The following MLLT1 variants were observed in gnomAD, a reference collection of about 807,000 sequenced individuals.
The protein encoded by MLLT1 is MLLT1 super elongation complex subunit, also known as protein ENL.
Under a neutral mutation model 55.1 loss-of-function variants are expected in MLLT1, and 11 were observed. That is an observed-to-expected ratio of 0.20 (90% CI 0.13 to 0.33). The LOEUF is 0.33. Among genes scored for constraint, MLLT1 ranks in the 10% least tolerant of loss-of-function variants. The probability of loss-of-function intolerance (pLI) is 1.00; values close to 1 mark genes in which losing one functional copy is unlikely to be tolerated. For synonymous variants in MLLT1, 323 were observed against 320.1 expected (o/e 1.01, Z -0.10); for missense variants, 536 against 760.6 (o/e 0.70, Z 3.47).
chr19:6,217,165 T>G (rs1161254791), intron 7 of MLLT1, among the ~76,000 whole-genome samples: 1 of 151,844 alleles, frequency 6.6e-6, no homozygotes, highest in Non-Finnish European at 1.5e-5. Flanking sequence ...TTGGAGCGAG[T>G]GTAGGCTTCA....
At chr19:6,233,636 C>T (rs1331648493) in intron 3 of MLLT1, among the ~76,000 whole-genome samples, 2 of 152,222 alleles carry the variant, frequency 1.3e-5, no homozygotes, top group Non-Finnish European at 2.9e-5. Flanking sequence ...CCTGCCAAAA[C>T]GCGAGAGGTG....
intron 1 of MLLT1, among the ~76,000 whole-genome samples, chr19:6,279,052 C>CGGGGCAGGATCAGACGGGAGAGAA (rs1419784710): frequency 6.6e-6 from 1 of 151,922 alleles, no homozygotes; most frequent in Non-Finnish European, 1.5e-5. Context: ...TGGCTGCAGC[C>CGGGGCAGGATCAGACGGGAGAGAA]GGGGCAGGAT....
intron 3 of MLLT1, among the ~76,000 whole-genome samples, chr19:6,249,306 A>G (rs544658824): frequency 6.6e-6 from 1 of 152,258 alleles, no homozygotes; most frequent in East Asian, 1.9e-4. Context: ...AATAATAATA[A>G]TTAAGATTTC....
At chr19:6,232,072 C>T (rs2091016880) in intron 3 of MLLT1, among the ~76,000 whole-genome samples, 1 of 152,032 alleles carries the variant, frequency 6.6e-6, no homozygotes, top group Admixed American at 6.6e-5. Context: ...CCTGTCTCCA[C>T]TAAAAATACA....
Position 6,211,074 on chromosome 19 carries a change from G to A in MLLT1, c.*1968C>T, listed in dbSNP as rs2090763973. On this transcript the variant is annotated 3_prime_UTR_variant, in exon 12 of 12. Coordinates refer to ENST00000252674, the MANE Select transcript of MLLT1 (RefSeq NM_005934.4). This position sits in a 1 kb window ranked among gnomAD's most constrained non-coding sequence, Gnocchi z 4.6. ...TGGATTTTGGGGGACTCCTGCGAAG[G>A]AGAAAGGCCAGCACCCTGGGCTGAG... is the stretch of plus-strand genomic sequence containing the variant. 4.3e-6 allele frequency: 1 copy of A among 232,210 alleles called. No individual in the cohort carries two copies. Among genetic ancestry groups the A allele is most frequent in the South Asian group, 1.8e-4 (1 of 5,514 alleles). 14.4% of individuals were successfully genotyped at this position (232,210 alleles called of 1,614,324 possible).
At position 6,222,844 on chromosome 19, in the gene MLLT1, TGA is replaced by T. The variant is rs1468639104; in HGVS notation, c.547-162_547-161del. Among the ~76,000 whole-genome samples, 8 of 152,162 alleles carry T rather than the reference TGA, an allele frequency of 5.3e-5. No individual in the cohort carries two copies. The East Asian group carries it at 1.5e-3, about 29-fold the overall frequency. ...TAAAGCAAAAAGGTAAGGCAGTAGG[TGA>T]GAGTTTTACATGGAGCTGTCCCTTT... On this transcript the variant is annotated intron_variant, in intron 5 of 11. Coordinates refer to ENST00000252674, the MANE Select transcript of MLLT1 (RefSeq NM_005934.4). The surrounding 1 kb of genome is among the most constrained non-coding windows in gnomAD (Gnocchi z 4.1).
At position 6,230,684 on chromosome 19, in the gene MLLT1, G is replaced by A. The variant is rs757379933; in HGVS notation, c.306C>T (p.Tyr102=). The stretch of plus-strand genomic sequence containing the variant: ...TGCCTTCCAGGTTCAGGAACAGGTC[G>A]TAGGTGAAGCAGACCTTCCTCGGCT... ...KEEPRKVCFT[Y]DLFLNLEGNP... is the part of the protein sequence containing the mutation. Residue 102 remains tyrosine (Y), a synonymous_variant, in exon 4 of 12, where the codon TAC becomes TAT. Coordinates refer to ENST00000252674, the MANE Select transcript of MLLT1 (RefSeq NM_005934.4). This position sits in a 1 kb window ranked among gnomAD's most constrained non-coding sequence, Gnocchi z 9.0. The A allele has an allele frequency of 5.0e-6, 8 of 1,613,956 alleles. No homozygotes were observed. In the Admixed American group the frequency reaches 6.7e-5, roughly 13 times the overall value.
At position 6,226,821 on chromosome 19, in the gene MLLT1, G is replaced by A. The variant is rs1311604173; in HGVS notation, c.546+156C>T. On this transcript the variant is annotated intron_variant, in intron 5 of 11. Coordinates refer to ENST00000252674, the MANE Select transcript of MLLT1 (RefSeq NM_005934.4). The surrounding 1 kb of genome is among the most constrained non-coding windows in gnomAD (Gnocchi z 6.3). ...CCTGAAATCCTAGGGAAGCGGCAGTGCGCAGCGAGGGGTGTGCAGAGAGCT... is the reference window on the plus strand; with the variant it reads ...CCTGAAATCCTAGGGAAGCGGCAGTACGCAGCGAGGGGTGTGCAGAGAGCT... 2.6e-5 allele frequency among the ~76,000 whole-genome samples: 4 copies of A among 152,082 alleles called. No individual in the cohort carries two copies. The highest frequency in any genetic ancestry group is 5.9e-5 in the Non-Finnish European group (4 of 68,024).
intron 6 of MLLT1, among the ~76,000 whole-genome samples, chr19:6,220,502 G>A (rs1158531691): frequency 2.0e-5 from 3 of 152,244 alleles, no homozygotes; most frequent in Non-Finnish European, 2.9e-5. Flanking sequence ...AGCGGCGTCC[G>A]AGGTGGCAGG....
chr19:6,269,718 G>A (rs79668571), intron 2 of MLLT1, among the ~76,000 whole-genome samples: 3,355 of 152,192 alleles, frequency 0.022, 144 homozygotes, highest in African/African-American at 0.076. Context: ...TGGAGCTCCC[G>A]GGACCCCCGT....
chr19:6,273,416 C>A lies in MLLT1; in HGVS notation c.13-2657G>T, dbSNP rs114523955. Among the ~76,000 whole-genome samples the A allele has an allele frequency of 1.3e-5, 2 of 152,138 alleles. No homozygotes were observed. The highest frequency in any genetic ancestry group is 6.5e-5 in the Admixed American group (1 of 15,268). On this transcript the variant is annotated intron_variant, in intron 1 of 11. Coordinates refer to ENST00000252674, the MANE Select transcript of MLLT1 (RefSeq NM_005934.4). The surrounding 1 kb of genome is among the most constrained non-coding windows in gnomAD (Gnocchi z 4.3). ...AAGTGGGGATGGACGGAAGATCAGGCGCACTCATAAACCCCCGGCGCTGCG... is the reference window on the plus strand; with the variant it reads ...AAGTGGGGATGGACGGAAGATCAGGAGCACTCATAAACCCCCGGCGCTGCG...
At chr19:6,266,087 T>C (rs752352806) in intron 2 of MLLT1, among the ~76,000 whole-genome samples, 1 of 151,920 alleles carries the variant, frequency 6.6e-6, no homozygotes, top group Non-Finnish European at 1.5e-5. Context: ...AAGACCAACT[T>C]GGGCAACATG....
Position 6,214,008 on chromosome 19 carries a change from G to T in MLLT1, c.1338C>A (p.Asn446Lys). Residue 446 changes from asparagine to lysine, a missense_variant, in exon 9 of 12, where the codon AAC (asparagine) becomes AAA (lysine). Asn to Lys is a moderately conservative substitution (Grantham distance 94). Coordinates refer to ENST00000252674, the MANE Select transcript of MLLT1 (RefSeq NM_005934.4). ...GGCTGGGCAGGGAGGAGTCGGCGCTGTTGTCACTCTCGCTGTCGCTGAAGC... is the reference window on the plus strand; with the variant it reads ...GGCTGGGCAGGGAGGAGTCGGCGCTTTTGTCACTCTCGCTGTCGCTGAAGC... ...RLSFSDSESDNSADSSLPSRE... is the reference protein window; with the variant it reads ...RLSFSDSESDKSADSSLPSRE... 6.9e-7 allele frequency: 1 copy of T among 1,453,860 alleles called. No individual in the cohort carries two copies. Among genetic ancestry groups the T allele is most frequent in the Non-Finnish European group, 9.1e-7 (1 of 1,104,612 alleles). 90.1% of individuals were successfully genotyped at this position (1,453,860 alleles called of 1,614,324 possible).
Position 6,256,876 on chromosome 19 carries a change from C to T in MLLT1, c.276+5352G>A, listed in dbSNP as rs2091261400. Among the ~76,000 whole-genome samples the T allele has an allele frequency of 6.6e-6, 1 of 152,200 alleles. No individual in the cohort carries two copies. The highest frequency in any genetic ancestry group is 2.4e-5 in the African/African-American group (1 of 41,444). ...TAGAATTCAGAGTCCAGTTTTAAACCCCAAATCTATGGCCAGCTGATTTTC... is the reference window on the plus strand; with the variant it reads ...TAGAATTCAGAGTCCAGTTTTAAACTCCAAATCTATGGCCAGCTGATTTTC... On this transcript the variant is annotated intron_variant, in intron 3 of 11. Transcript: ENST00000252674. The surrounding 1 kb of genome is among the most constrained non-coding windows in gnomAD (Gnocchi z 4.1).
At chr19:6,266,765 C>A (rs1423594557) in intron 2 of MLLT1, among the ~76,000 whole-genome samples, 1 of 152,106 alleles carries the variant, frequency 6.6e-6, no homozygotes, top group Non-Finnish European at 1.5e-5. Context: ...CCAGAAATGT[C>A]TGAAGTAATC....
At position 6,222,496 on chromosome 19, in the gene MLLT1, T is replaced by A. The variant is rs1422713829; in HGVS notation, c.735A>T (p.Pro245=). The A allele has an allele frequency of 6.3e-7, 1 of 1,597,460 alleles. No individual in the cohort carries two copies. The highest frequency in any genetic ancestry group is 1.7e-5 in the Admixed American group (1 of 59,622). ...GTTCCTTGAAGGCAGCCTTGGGCGG[T>A]GGCGCCTTCTCCTCCTTGGGCAGCC... ...EGRLPKEEKA[P]PPKAAFKEPK... is the part of the protein sequence containing the mutation. The change falls in exon 6 of 12, where the codon CCA becomes CCT. Residue 245 remains proline, a synonymous_variant. Transcript: ENST00000252674. The surrounding 1 kb of genome is among the most constrained non-coding windows in gnomAD (Gnocchi z 4.1).
intron 5 of MLLT1, among the ~76,000 whole-genome samples, chr19:6,223,557 G>C (rs984650513): frequency 6.6e-6 from 1 of 152,206 alleles, no homozygotes; most frequent in Non-Finnish European, 1.5e-5. Flanking sequence ...ATCTGTGCCT[G>C]CTTCCTCGAG....
intron 3 of MLLT1, among the ~76,000 whole-genome samples, chr19:6,242,818 C>T (rs760575092): frequency 1.3e-5 from 2 of 152,158 alleles, no homozygotes; most frequent in South Asian, 2.1e-4. Context: ...ATCTACAGGG[C>T]ACCTGGGGGG....
intron 3 of MLLT1, among the ~76,000 whole-genome samples, chr19:6,261,462 C>T (rs1285487589): frequency 6.6e-6 from 1 of 152,128 alleles, no homozygotes; most frequent in Non-Finnish European, 1.5e-5. Context: ...GGGGCGGCAT[C>T]CACAGGCCTC....
Sources: allele counts gnomAD v4.1 joint callset (sites outside exome capture counted in the v4.1 genomes callset), GRCh38; gene constraint gnomAD v4.1.1; non-coding constraint Gnocchi (gnomAD v3.1); transcripts MANE v1.5; gene names NCBI Gene and HGNC (gene_info 2026-07-23, HGNC 2026-07-21).